Variants in THSD7B observed in about 807,000 individuals in gnomAD.
THSD7B encodes the protein thrombospondin type-1 domain-containing protein 7B.
A neutral mutation model predicts 213.6 loss-of-function variants in THSD7B; 138 were observed. The ratio of observed to expected loss-of-function variants is 0.65; its 90% confidence interval spans 0.56 to 0.74. The LOEUF is 0.74. Ranked by LOEUF, THSD7B falls within the 30% of genes least tolerant of loss-of-function variation. The pLI is 0.00. For synonymous variants in THSD7B, 742 were observed against 687.0 expected, an observed-to-expected ratio of 1.08 and a Z score of -1.25; for missense variants, 1,931 against 1,991.5, an observed-to-expected ratio of 0.97 and a Z score of 0.58.
At chr2:137,063,368 TTTA>T (rs1687315361) in intron 3 of THSD7B, among the ~76,000 whole-genome samples, 1 of 151,958 alleles carries the variant, frequency 6.6e-6, no homozygotes, top group East Asian at 1.9e-4. Context: ...TTAATTTTAA[TTTA>T]TTATTTTTTA....
chr2:137,454,074 G>A lies in THSD7B; in HGVS notation c.3138+3051G>A, dbSNP rs537804049. Among the ~76,000 whole-genome samples the A allele has an allele frequency of 6.2e-4, 95 of 152,266 alleles. 1 individual carries two copies. Among genetic ancestry groups the A allele is most frequent in the African/African-American group, 2.2e-3 (92 of 41,552 alleles). The stretch of plus-strand genomic sequence containing the variant: ...GTAAATAGTGCTGTAATGAGTATGG[G>A]AGTGCAGACATCTCTTCAACATACT... On this transcript the variant is annotated intron_variant, in intron 15 of 27. Transcript: ENST00000409968.
chr2:136,813,771 G>T (rs1209431170), intron 1 of THSD7B, among the ~76,000 whole-genome samples: 1 of 152,102 alleles, frequency 6.6e-6, no homozygotes, highest in Non-Finnish European at 1.5e-5. Flanking sequence ...ACTTAATGGA[G>T]ATGATCAAGT....
Position 137,269,394 on chromosome 2 carries a change from T to A in THSD7B, c.2267-3139T>A, listed in dbSNP as rs572803432. On this transcript the variant is annotated intron_variant, in intron 10 of 27. Transcript: ENST00000409968. The stretch of plus-strand genomic sequence containing the variant: ...GTGTGTACCGTATGTGTATGGTGTG[T>A]GCACGTGTGTGCATGTGCATGTTCA... Among the ~76,000 whole-genome samples the A allele has an allele frequency of 1.6e-4, 24 of 152,364 alleles. No individual in the cohort carries two copies. The South Asian group carries it at 3.3e-3, about 21-fold the overall frequency.
At chr2:137,310,777 C>T (rs956645172) in intron 12 of THSD7B, among the ~76,000 whole-genome samples, 2 of 151,920 alleles carry the variant, frequency 1.3e-5, no homozygotes, top group African/African-American at 4.8e-5. Context: ...TTCCCCATTG[C>T]TTGTTTTTCT....
chr2:136,800,012 G>T (rs1021844528), intron 1 of THSD7B, among the ~76,000 whole-genome samples: 2 of 151,822 alleles, frequency 1.3e-5, no homozygotes, highest in African/African-American at 4.8e-5. Flanking sequence ...AGCTCCCTTT[G>T]AGCTATGTGT....
intron 5 of THSD7B, among the ~76,000 whole-genome samples, chr2:137,157,410 C>T (rs1353674164): frequency 6.6e-6 from 1 of 152,102 alleles, no homozygotes; most frequent in South Asian, 2.1e-4. Context: ...TGTTGAAGGA[C>T]ATCTTGTTCT....
At chr2:136,961,641 G>A (rs11884290) in intron 2 of THSD7B, among the ~76,000 whole-genome samples, 11,023 of 152,144 alleles carry the variant, frequency 0.072, 633 homozygotes, top group African/African-American at 0.15. Flanking sequence ...CTGGAAACAA[G>A]GAGGAACTTA....
chr2:136,963,336 T>C (rs1341750127), intron 2 of THSD7B, among the ~76,000 whole-genome samples: 1 of 151,964 alleles, frequency 6.6e-6, no homozygotes, highest in Non-Finnish European at 1.5e-5. Context: ...AAAAAGAATA[T>C]AGGCAGCAGA....
chr2:137,300,680 G>A (rs1345477032), intron 12 of THSD7B, among the ~76,000 whole-genome samples: 2 of 152,178 alleles, frequency 1.3e-5, no homozygotes, highest in Non-Finnish European at 2.9e-5. Context: ...GGATGGCATT[G>A]CTGTAGAGGA....
chr2:136,784,373 A>C (rs1296294671), intron 1 of THSD7B, among the ~76,000 whole-genome samples: 2 of 152,084 alleles, frequency 1.3e-5, no homozygotes, highest in African/African-American at 4.8e-5. Context: ...TTAGAACAAC[A>C]ATGCTCTCTG....
chr2:137,155,317 T>C (rs1416302785), intron 5 of THSD7B, among the ~76,000 whole-genome samples: 1 of 152,146 alleles, frequency 6.6e-6, no homozygotes, highest in Non-Finnish European at 1.5e-5. Flanking sequence ...GGCAGAAGGC[T>C]CCAAGGTGAC....
chr2:137,233,374 A>G (rs1354831538), intron 9 of THSD7B, among the ~76,000 whole-genome samples: 1 of 152,222 alleles, frequency 6.6e-6, no homozygotes, highest in Admixed American at 6.5e-5. Flanking sequence ...ATAAAAATGA[A>G]TAGTGTCCAC....
intron 10 of THSD7B, among the ~76,000 whole-genome samples, chr2:137,263,556 T>C (rs558713103): frequency 1.3e-5 from 2 of 152,284 alleles, no homozygotes; most frequent in African/African-American, 4.8e-5. Context: ...AATTTAAGAA[T>C]ATAGAGTACA....
intron 1 of THSD7B, among the ~76,000 whole-genome samples, chr2:136,802,910 A>G (rs1682214881): frequency 6.6e-6 from 1 of 151,776 alleles, no homozygotes. Flanking sequence ...CATGATGGGT[A>G]TGCTACGAAA....
intron 2 of THSD7B, among the ~76,000 whole-genome samples, chr2:137,035,498 A>T (rs1190518988): frequency 6.6e-6 from 1 of 151,964 alleles, no homozygotes; most frequent in Non-Finnish European, 1.5e-5. Context: ...GAATGAAAAC[A>T]TCTTACACTT....
chr2:137,216,667 T>G (rs1397196081), intron 7 of THSD7B, among the ~76,000 whole-genome samples: 1 of 152,136 alleles, frequency 6.6e-6, no homozygotes, highest in Non-Finnish European at 1.5e-5. Flanking sequence ...CAGCTCAGCA[T>G]TGGCTGGATG....
At chr2:137,259,658 T>C (rs188515251) in intron 10 of THSD7B, among the ~76,000 whole-genome samples, 292 of 151,932 alleles carry the variant, frequency 1.9e-3, no homozygotes, top group African/African-American at 6.9e-3. Context: ...TGCTAGTTTC[T>C]TTTGCTGCTT....
At chr2:137,163,876 T>C (rs1680066438) in intron 6 of THSD7B, among the ~76,000 whole-genome samples, 1 of 152,330 alleles carries the variant, frequency 6.6e-6, no homozygotes, top group African/African-American at 2.4e-5. Flanking sequence ...GATGGCCATG[T>C]TGGCAGTAAG....
chr2:137,390,227 T>C (rs1382123606), intron 12 of THSD7B, among the ~76,000 whole-genome samples: 2 of 152,124 alleles, frequency 1.3e-5, no homozygotes, highest in South Asian at 2.1e-4. Flanking sequence ...TCTTTCATCA[T>C]TGTTTTATAG....
Sources: gnomAD v4.1 joint callset for allele counts (sites outside exome capture counted in the v4.1 genomes callset) on GRCh38, gnomAD v4.1.1 for gene constraint, MANE v1.5 for transcripts, NCBI Gene and HGNC (gene_info 2026-07-23, HGNC 2026-07-21) for gene names.